The following UBE3A variants were observed in gnomAD, a reference collection of about 807,000 sequenced individuals.
The protein encoded by UBE3A is ubiquitin protein ligase E3A.
A neutral mutation model predicts 83.4 loss-of-function variants in UBE3A; 6 were observed. The observed-to-expected ratio is 0.07, with a 90% CI of 0.04 to 0.14. The LOEUF is 0.14. Among genes scored for constraint, UBE3A ranks in the 10% least tolerant of loss-of-function variants. The probability of loss-of-function intolerance (pLI) is 1.00; values close to 1 mark genes in which losing one functional copy is unlikely to be tolerated. For missense variants in UBE3A, 456 were observed against 1,036.1 expected (o/e 0.44, Z 7.69); for synonymous variants, 337 against 355.4 (o/e 0.95, Z 0.58).
chr15:25,424,663 G>GT (rs1231410660), intron 1 of UBE3A, among the ~76,000 whole-genome samples: 1 of 151,676 alleles, frequency 6.6e-6, no homozygotes, highest in African/African-American at 2.4e-5. Flanking sequence ...CTATAACACA[G>GT]TTAAGAGGAA....
At chr15:25,401,964 C>T (rs1224435421) in intron 4 of UBE3A, among the ~76,000 whole-genome samples, 2 of 152,078 alleles carry the variant, frequency 1.3e-5, no homozygotes, top group South Asian at 4.2e-4. Context: ...AATTGTTTAT[C>T]TGCATTTTCT....
At chr15:25,430,027 CTATA>C (rs199950859) in intron 1 of UBE3A, among the ~76,000 whole-genome samples, 7,378 of 66,126 alleles carry the variant, frequency 0.11, 1,265 homozygotes, top group Middle Eastern at 0.21. Flanking sequence ...AAAAAAAAAC[CTATA>C]TATATATATA....
In UBE3A at chr15:25,431,070, G is replaced by A. The variant is rs575563891; in HGVS notation, c.-165+7419C>T. 8.5e-5 allele frequency among the ~76,000 whole-genome samples: 13 copies of A among 152,282 alleles called. No homozygotes were observed. The South Asian group carries it at 1.7e-3, about 19-fold the overall frequency. On this transcript the variant is annotated intron_variant, in intron 1 of 12. Transcript: ENST00000648336. ...TAAAAGACCAAAATTAGCTCAGTTC[G>A]TCTAATACACTACACTTAAGTGTTC...
chr15:25,410,199 C>T (rs941236958), intron 2 of UBE3A, among the ~76,000 whole-genome samples: 1 of 152,124 alleles, frequency 6.6e-6, no homozygotes, highest in African/African-American at 2.4e-5. Flanking sequence ...ATATATTCTA[C>T]TCTTTCTTGG....
At position 25,359,414 on chromosome 15, in the gene UBE3A, GATGCGTGT is replaced by G. The variant is rs751062014; in HGVS notation, c.1753+961_1753+968del. On this transcript the variant is annotated intron_variant, in intron 7 of 12. Coordinates refer to ENST00000648336, the MANE Select transcript of UBE3A (RefSeq NM_130839.5). ...AACACTAGCTAGATTATAGATAAGG[GATGCGTGT>G]GTGTGTGTGTGTGTGTGTGTGTGTG... 6.6e-3 allele frequency among the ~76,000 whole-genome samples: 792 copies of G among 120,160 alleles called. 3 individuals carry two copies. Among genetic ancestry groups the G allele is most frequent in the Non-Finnish European group, 0.011 (657 of 57,868 alleles). The allele number at this position is 120,160 out of a possible 152,430, so 78.8% of individuals were successfully genotyped here. A position where few individuals can be genotyped will look rare whatever the true frequency, so the allele number is the denominator to read the frequency against.
chr15:25,341,003 T>C (rs2074659247), intron 11 of UBE3A, among the ~76,000 whole-genome samples: 1 of 152,198 alleles, frequency 6.6e-6, no homozygotes. Context: ...GCTCATAAAG[T>C]GCAATCTTGA....
At chr15:25,414,289 T>C (rs1208289515) in intron 1 of UBE3A, among the ~76,000 whole-genome samples, 1 of 152,202 alleles carries the variant, frequency 6.6e-6, no homozygotes, top group Non-Finnish European at 1.5e-5. Flanking sequence ...AGGTTGATAC[T>C]TGTTCAGCCT....
intron 11 of UBE3A, among the ~76,000 whole-genome samples, chr15:25,348,115 A>G (rs2075991409): frequency 6.6e-6 from 1 of 152,190 alleles, no homozygotes; most frequent in Admixed American, 6.5e-5. Context: ...AAACTTATAT[A>G]ATGATAAAGG....
intron 6 of UBE3A, among the ~76,000 whole-genome samples, chr15:25,367,286 T>TATG (rs1451078400): frequency 7.6e-6 from 1 of 130,866 alleles, no homozygotes; most frequent in Non-Finnish European, 1.7e-5. Context: ...CATATTTAAA[T>TATG]TAAATTAATT....
At chr15:25,419,085 T>C (rs955944717) in intron 1 of UBE3A, 1 of 152,130 alleles carries the variant, frequency 6.6e-6, no homozygotes, top group Admixed American at 6.5e-5. Flanking sequence ...TCCTTGCCAA[T>C]CCCTGACCAA....
Position 25,339,446 on chromosome 15 carries a change from G to C in UBE3A, c.2499-189C>G, listed in dbSNP as rs994568677. Reference sequence around the variant, plus strand: ...GCCTTTATCCTATAAATTACTCAAAGCTAGTGACGATGATAAGATACTGTA... The same window carrying C: ...GCCTTTATCCTATAAATTACTCAAACCTAGTGACGATGATAAGATACTGTA... On this transcript the variant is annotated intron_variant, in intron 12 of 12. Transcript: ENST00000648336. 5.5e-5 allele frequency: 33 copies of C among 602,368 alleles called. No individual in the cohort carries two copies. The African/African-American group carries it at 5.6e-4, about 10-fold the overall frequency. 37.3% of individuals were successfully genotyped at this position (602,368 alleles called of 1,614,324 possible). A position where few individuals can be genotyped will look rare whatever the true frequency, so the allele number is the denominator to read the frequency against.
intron 4 of UBE3A, among the ~76,000 whole-genome samples, chr15:25,385,675 A>G (rs988849196): frequency 1.3e-5 from 2 of 152,164 alleles, no homozygotes; most frequent in Non-Finnish European, 2.9e-5. Flanking sequence ...GTGAGGTCAC[A>G]GGGCAAATGA....
At chr15:25,365,609 A>T in intron 6 of UBE3A, among the ~76,000 whole-genome samples, 1 of 144,334 alleles carries the variant, frequency 6.9e-6, no homozygotes, top group Non-Finnish European at 1.6e-5. Context: ...TTAGCTGGGC[A>T]TGGTGGCAGG....
intron 6 of UBE3A, among the ~76,000 whole-genome samples, chr15:25,362,218 G>T (rs1006476701): frequency 6.6e-6 from 1 of 152,018 alleles, no homozygotes; most frequent in African/African-American, 2.4e-5. Flanking sequence ...TTATCTTCTG[G>T]GTATCTTCAA....
chr15:25,363,040 C>T (rs2078384848), intron 6 of UBE3A, among the ~76,000 whole-genome samples: 1 of 152,084 alleles, frequency 6.6e-6, no homozygotes, highest in Non-Finnish European at 1.5e-5. Context: ...TTGAGAGGCC[C>T]TGTGTTCTAT....
chr15:25,419,349 T>C (rs1444364477), intron 1 of UBE3A: 4 of 152,064 alleles, frequency 2.6e-5, no homozygotes, highest in Non-Finnish European at 2.9e-5. Flanking sequence ...TAGAAGACAA[T>C]AACAAATAGA....
chr15:25,415,129 C>G (rs933048971), intron 1 of UBE3A, among the ~76,000 whole-genome samples: 1 of 152,254 alleles, frequency 6.6e-6, no homozygotes, highest in Middle Eastern at 3.4e-3. Context: ...TTAAAAATAT[C>G]TCTTACTCCT....
intron 1 of UBE3A, among the ~76,000 whole-genome samples, chr15:25,413,507 A>G (rs2090367719): frequency 6.6e-6 from 1 of 152,184 alleles, no homozygotes; most frequent in Non-Finnish European, 1.5e-5. Context: ...TCACAATTAA[A>G]GGACTACTAC....
At chr15:25,343,206 A>T (rs1381858700) in intron 11 of UBE3A, among the ~76,000 whole-genome samples, 1 of 152,194 alleles carries the variant, frequency 6.6e-6, no homozygotes, top group East Asian at 1.9e-4. Context: ...AAACAAGAAA[A>T]ACAGAATTCG....
Sources: gnomAD v4.1 joint callset for allele counts (sites outside exome capture counted in the v4.1 genomes callset) on GRCh38, gnomAD v4.1.1 for gene constraint, MANE v1.5 for transcripts, NCBI Gene and HGNC (gene_info 2026-07-23, HGNC 2026-07-21) for gene names.